MRAS: variants seen among roughly 807,000 people sequenced by gnomAD.
MRAS encodes muscle RAS oncogene homolog, also known as ras-related protein M-Ras.
A neutral mutation model predicts 20.9 loss-of-function variants in MRAS; 4 were observed. That is an observed-to-expected ratio of 0.19 (90% CI 0.09 to 0.44). MRAS has a LOEUF of 0.44. MRAS is among the 20% of genes least tolerant of loss of function. The pLI, the probability that MRAS is intolerant of heterozygous loss-of-function variation, is 0.99. For missense variants in MRAS, 154 were observed against 277.5 expected, an observed-to-expected ratio of 0.56 and a Z score of 3.16; for synonymous variants, 98 against 102.9, an observed-to-expected ratio of 0.95 and a Z score of 0.29.
At chr3:138,352,178 G>A (rs570099284) in intron 1 of MRAS, among the ~76,000 whole-genome samples, 1 of 152,336 alleles carries the variant, frequency 6.6e-6, no homozygotes, top group South Asian at 2.1e-4. Flanking sequence ...GAGGTGATGA[G>A]GTTCAGGCTG....
At chr3:138,375,239 T>A (rs2054759040) in intron 2 of MRAS, among the ~76,000 whole-genome samples, 1 of 152,204 alleles carries the variant, frequency 6.6e-6, no homozygotes, top group Admixed American at 6.5e-5. Context: ...AAACCCCACT[T>A]GGTCATGATG....
intron 1 of MRAS, among the ~76,000 whole-genome samples, chr3:138,356,948 G>C (rs1438580413): frequency 6.6e-6 from 1 of 152,186 alleles, no homozygotes; most frequent in Non-Finnish European, 1.5e-5. Context: ...CACTAATCTG[G>C]GGCTGGGTGG....
intron 1 of MRAS, among the ~76,000 whole-genome samples, chr3:138,368,497 C>T (rs2054608491): frequency 6.6e-6 from 1 of 152,114 alleles, no homozygotes; most frequent in Non-Finnish European, 1.5e-5. Context: ...GTAATTTGCC[C>T]AAGGTCACTC....
chr3:138,369,925 A>G (rs1220125726), intron 1 of MRAS, among the ~76,000 whole-genome samples: 1 of 152,228 alleles, frequency 6.6e-6, no homozygotes, highest in Non-Finnish European at 1.5e-5. Flanking sequence ...TTTTCTTTTG[A>G]GAAGAAAATA....
intron 1 of MRAS, among the ~76,000 whole-genome samples, chr3:138,360,954 T>C (rs895793604): frequency 2.0e-5 from 3 of 152,174 alleles, no homozygotes; most frequent in Admixed American, 6.5e-5. Context: ...GTCAGAGATA[T>C]GGCCTTGGAC....
chr3:138,354,338 C>T (rs1443829788), intron 1 of MRAS, among the ~76,000 whole-genome samples: 2 of 152,166 alleles, frequency 1.3e-5, no homozygotes, highest in African/African-American at 4.8e-5. Flanking sequence ...GCACTTGATC[C>T]TTTTCACAGT....
chr3:138,367,960 C>T (rs144293780), intron 1 of MRAS, among the ~76,000 whole-genome samples: 1 of 152,340 alleles, frequency 6.6e-6, no homozygotes, highest in African/African-American at 2.4e-5. Context: ...GTGATATTGC[C>T]TTTTAGGCAG....
At chr3:138,397,109 G>C (rs1194385378) in intron 2 of MRAS, among the ~76,000 whole-genome samples, 1 of 152,158 alleles carries the variant, frequency 6.6e-6, no homozygotes, top group Non-Finnish European at 1.5e-5. Flanking sequence ...GGTCCACAGT[G>C]AGTCAGAGCC....
chr3:138,370,475 C>G (rs199877683), intron 1 of MRAS, among the ~76,000 whole-genome samples: 3 of 152,116 alleles, frequency 2.0e-5, no homozygotes, highest in African/African-American at 7.2e-5. Context: ...CCCTCCCTCC[C>G]CATTTCTGTC....
intron 1 of MRAS, among the ~76,000 whole-genome samples, chr3:138,366,130 C>T (rs531104091): frequency 1.3e-5 from 2 of 152,326 alleles, no homozygotes; most frequent in African/African-American, 4.8e-5. Flanking sequence ...CATTAACACA[C>T]AGCTTGCAGG....
At chr3:138,400,358 T>G (rs2055333421) in intron 4 of MRAS, 176 bp from the exon 5 acceptor site, 1 of 607,902 alleles carries the variant, frequency 1.6e-6, no homozygotes, top group Non-Finnish European at 2.9e-6. Flanking sequence ...AGTAACACTT[T>G]CCAACCTGAA....
At chr3:138,352,961 G>A (rs537267919) in intron 1 of MRAS, among the ~76,000 whole-genome samples, 2 of 152,252 alleles carry the variant, frequency 1.3e-5, no homozygotes, top group East Asian at 3.9e-4. Context: ...ATACGCTTGG[G>A]AGGCCAGAAA....
intron 1 of MRAS, among the ~76,000 whole-genome samples, chr3:138,364,357 A>G (rs964037647): frequency 2.0e-5 from 3 of 152,218 alleles, no homozygotes; most frequent in African/African-American, 7.2e-5. Context: ...ATTTTTGTTG[A>G]ACAGTCACTA....
intron 1 of MRAS, among the ~76,000 whole-genome samples, chr3:138,370,984 AG>A (rs2054663246): frequency 6.6e-6 from 1 of 152,186 alleles, no homozygotes; most frequent in South Asian, 2.1e-4. Context: ...ATGACTGCAT[AG>A]TACTCCATTA....
intron 1 of MRAS, among the ~76,000 whole-genome samples, chr3:138,351,716 G>A (rs1482568264): frequency 6.6e-6 from 1 of 152,232 alleles, no homozygotes; most frequent in East Asian, 1.9e-4. Context: ...ACACAGGAAT[G>A]GGATATCAGT....
intron 2 of MRAS, 124 bp from the exon 3 acceptor site, chr3:138,397,200 C>G (rs1165250323): frequency 3.7e-5 from 43 of 1,177,608 alleles, no homozygotes; most frequent in Non-Finnish European, 4.5e-5. Context: ...TATGCAGCCT[C>G]TCACGGGACA....
chr3:138,362,100 G>A (rs1367576165), intron 1 of MRAS, among the ~76,000 whole-genome samples: 1 of 152,148 alleles, frequency 6.6e-6, no homozygotes, highest in East Asian at 1.9e-4. Flanking sequence ...GGACCCCAGA[G>A]GCCAGGTGGC....
upstream of MRAS, chr3:138,348,541 T>A (rs967858003): frequency 6.6e-6 from 1 of 151,938 alleles, no homozygotes; most frequent in African/African-American, 2.4e-5. Flanking sequence ...TAGCAGGCGC[T>A]GTGGCAATAT....
In MRAS at chr3:138,402,384, C is replaced by CAGGAAGGGAGAAGGGCAGGT. The variant is rs1327883038; in HGVS notation, c.*116_*135dup. Reference sequence around the variant, plus strand: ...CAACCCTTGGCCCAAGGACTTGGTACAGGAAGGGAGAAGGGCAGGTGGGCA... The same window carrying CAGGAAGGGAGAAGGGCAGGT: ...CAACCCTTGGCCCAAGGACTTGGTACAGGAAGGGAGAAGGGCAGGTAGGAAGGGAGAAGGGCAGGTGGGCA... On this transcript the variant is annotated 3_prime_UTR_variant, in exon 6 of 6. Coordinates refer to ENST00000423968, the MANE Select transcript of MRAS (RefSeq NM_001085049.3). The CAGGAAGGGAGAAGGGCAGGT allele has an allele frequency of 6.5e-6, 6 of 927,010 alleles. No individual in the cohort carries two copies. Among genetic ancestry groups the CAGGAAGGGAGAAGGGCAGGT allele is most frequent in the Non-Finnish European group, 9.9e-6 (6 of 606,728 alleles). 57.4% of individuals were successfully genotyped at this position (927,010 alleles called of 1,614,324 possible).
Sources: allele counts gnomAD v4.1 joint callset (sites outside exome capture counted in the v4.1 genomes callset), GRCh38; gene constraint gnomAD v4.1.1; transcripts MANE v1.5; gene names NCBI Gene and HGNC (gene_info 2026-07-23, HGNC 2026-07-21).